PRKCE: variants seen among roughly 807,000 people sequenced by gnomAD.
PRKCE encodes the protein protein kinase C epsilon.
A neutral mutation model predicts 85.4 loss-of-function variants in PRKCE; 16 were observed. The observed-to-expected ratio is 0.19, with a 90% CI of 0.13 to 0.28. The LOEUF (loss-of-function observed/expected upper bound fraction) is 0.28, where lower values mean the gene tolerates loss of function less well. Among genes scored for constraint, PRKCE ranks in the 10% least tolerant of loss-of-function variants. PRKCE has a pLI of 1.00. For missense variants in PRKCE, 573 were observed against 975.2 expected (o/e 0.59, Z 5.49); for synonymous variants, 388 against 371.5 (o/e 1.04, Z -0.51).
chr2:45,879,234 G>A (rs989170468), intron 2 of PRKCE, among the ~76,000 whole-genome samples: 14 of 152,198 alleles, frequency 9.2e-5, no homozygotes, highest in Admixed American at 9.2e-4. Context: ...ACGGCTTGAT[G>A]GCGGGACTTC....
chr2:45,805,263 G>C (rs1015631232), intron 1 of PRKCE, among the ~76,000 whole-genome samples: 1 of 152,164 alleles, frequency 6.6e-6, no homozygotes, highest in Non-Finnish European at 1.5e-5. Flanking sequence ...TGTATAGCTG[G>C]ACTCAAACCC....
At chr2:45,987,267 C>T (rs1703404782) in intron 6 of PRKCE, among the ~76,000 whole-genome samples, 1 of 151,976 alleles carries the variant, frequency 6.6e-6, no homozygotes, top group African/African-American at 2.4e-5. Flanking sequence ...AATTAGGATG[C>T]CTGGAGCAAG....
intron 2 of PRKCE, among the ~76,000 whole-genome samples, chr2:45,942,750 T>G (rs1699975365): frequency 6.6e-6 from 1 of 152,230 alleles, no homozygotes; most frequent in African/African-American, 2.4e-5. Flanking sequence ...GAGATTCAGT[T>G]TTTTTCAACA....
At chr2:45,737,764 C>A (rs1682204699) in intron 1 of PRKCE, among the ~76,000 whole-genome samples, 1 of 151,750 alleles carries the variant, frequency 6.6e-6, no homozygotes, top group African/African-American at 2.4e-5. Flanking sequence ...TTGCCCGGGG[C>A]CCTCCCTCAC....
At chr2:45,766,345 T>C (rs1684907320) in intron 1 of PRKCE, among the ~76,000 whole-genome samples, 3 of 152,250 alleles carry the variant, frequency 2.0e-5, no homozygotes, top group African/African-American at 7.2e-5. Context: ...CTGTCAATTC[T>C]GAAGGAAGAC....
intron 10 of PRKCE, among the ~76,000 whole-genome samples, chr2:46,065,444 C>T (rs1667549529): frequency 6.6e-6 from 1 of 152,094 alleles, no homozygotes; most frequent in Admixed American, 6.5e-5. Flanking sequence ...GTAGCCCTTC[C>T]ATCTTCTCAT....
chr2:46,025,208 T>A (rs1188577134), intron 10 of PRKCE, among the ~76,000 whole-genome samples: 1 of 152,204 alleles, frequency 6.6e-6, no homozygotes, highest in African/African-American at 2.4e-5. Context: ...ACGTGGTGAC[T>A]GAGGTGCAGC....
intron 14 of PRKCE, among the ~76,000 whole-genome samples, chr2:46,183,379 A>G (rs974415170): frequency 2.6e-5 from 4 of 152,252 alleles, no homozygotes; most frequent in African/African-American, 9.6e-5. Flanking sequence ...TGGTTTCCAC[A>G]GAGCATAGCA....
chr2:45,981,864 C>T (rs1003657494), intron 5 of PRKCE, among the ~76,000 whole-genome samples: 7 of 152,206 alleles, frequency 4.6e-5, no homozygotes, highest in Non-Finnish European at 1.5e-5. Flanking sequence ...TCTGCCTCTG[C>T]AGGACTCTAA....
intron 2 of PRKCE, among the ~76,000 whole-genome samples, chr2:45,892,828 A>G (rs981703284): frequency 6.6e-6 from 1 of 152,244 alleles, no homozygotes; most frequent in Non-Finnish European, 1.5e-5. Flanking sequence ...GCACCAGTAT[A>G]GAACTTTGAT....
At chr2:45,739,666 A>G (rs1682382481) in intron 1 of PRKCE, among the ~76,000 whole-genome samples, 1 of 152,216 alleles carries the variant, frequency 6.6e-6, no homozygotes, top group African/African-American at 2.4e-5. Flanking sequence ...AGGGTTAGGA[A>G]ATAGATCAAT....
At chr2:45,910,288 G>A (rs1014030714) in intron 2 of PRKCE, among the ~76,000 whole-genome samples, 2 of 152,222 alleles carry the variant, frequency 1.3e-5, no homozygotes, top group South Asian at 2.1e-4. Flanking sequence ...CCCAGTGGCT[G>A]TGTGCAGAGT....
intron 2 of PRKCE, chr2:45,845,491 T>A (rs935744038): frequency 1.3e-5 from 2 of 152,126 alleles, no homozygotes; most frequent in Non-Finnish European, 2.9e-5. Context: ...CAAGCATCCC[T>A]TCAGCTCCCA....
intron 2 of PRKCE, among the ~76,000 whole-genome samples, chr2:45,958,205 A>G (rs56181965): frequency 0.032 from 4,027 of 125,344 alleles, 81 homozygotes; most frequent in Middle Eastern, 0.052. Flanking sequence ...AAAAAAAAAA[A>G]AAAAAAAAGA....
chr2:46,124,544 A>G (rs1410654202), intron 11 of PRKCE, among the ~76,000 whole-genome samples: 1 of 152,174 alleles, frequency 6.6e-6, no homozygotes, highest in Non-Finnish European at 1.5e-5. Context: ...TTTCCTTGAT[A>G]CTGCCCTATC....
rs1263378225 is a variant in PRKCE at position 45,895,349 on chromosome 2, G to A, written c.412+52286G>A. On this transcript the variant is annotated intron_variant, in intron 2 of 14. Coordinates refer to ENST00000306156, the MANE Select transcript of PRKCE (RefSeq NM_005400.3). The surrounding 1 kb of genome is among the most constrained non-coding windows in gnomAD (Gnocchi z 4.8). ...ATGGACTTAAGGGAGTTTCAGTCGGGGAAGAAAGTGGGACTTTTTCATTAA... is the reference window on the plus strand; with the variant it reads ...ATGGACTTAAGGGAGTTTCAGTCGGAGAAGAAAGTGGGACTTTTTCATTAA... 6.6e-6 allele frequency among the ~76,000 whole-genome samples: 1 copy of A among 152,122 alleles called. No homozygotes were observed. The highest frequency in any genetic ancestry group is 1.5e-5 in the Non-Finnish European group (1 of 68,026).
At chr2:45,857,574 GGTTT>G (rs558192202) in intron 2 of PRKCE, among the ~76,000 whole-genome samples, 16 of 152,162 alleles carry the variant, frequency 1.1e-4, no homozygotes, top group East Asian at 7.7e-4. Flanking sequence ...TGGATTGATT[GGTTT>G]GTTTATTTAT....
In PRKCE at chr2:45,791,392, C is replaced by G. The variant is rs1170640210; in HGVS notation, c.349-51608C>G. Among the ~76,000 whole-genome samples the G allele has an allele frequency of 3.9e-5, 6 of 152,278 alleles. No individual in the cohort carries two copies. The East Asian group carries it at 1.2e-3, about 29-fold the overall frequency. ...GGGTCCTGGTCCAGAGTCCCTTTACCCATGGAGCCCCAAGAGCAGGCCCTA... is the reference window on the plus strand; with the variant it reads ...GGGTCCTGGTCCAGAGTCCCTTTACGCATGGAGCCCCAAGAGCAGGCCCTA... On this transcript the variant is annotated intron_variant, in intron 1 of 14. Transcript: ENST00000306156.
At chr2:45,810,758 T>C (rs1464970496) in intron 1 of PRKCE, among the ~76,000 whole-genome samples, 1 of 152,238 alleles carries the variant, frequency 6.6e-6, no homozygotes, top group African/African-American at 2.4e-5. Flanking sequence ...TAATATTTTT[T>C]ATTATTTTGT....
Sources: gnomAD v4.1 joint callset for allele counts (sites outside exome capture counted in the v4.1 genomes callset) on GRCh38, gnomAD v4.1.1 for gene constraint, Gnocchi (gnomAD v3.1) non-coding constraint, MANE v1.5 for transcripts, NCBI Gene and HGNC (gene_info 2026-07-23, HGNC 2026-07-21) for gene names.